Variants in SGCZ observed in about 807,000 individuals in gnomAD.
SGCZ encodes the protein zeta-sarcoglycan.
A neutral mutation model predicts 41.3 loss-of-function variants in SGCZ; 40 were observed. That is an observed-to-expected ratio of 0.97 (90% confidence interval 0.75 to 1.26). SGCZ has a LOEUF of 1.26. SGCZ is among the 50% of genes most tolerant of loss of function. The pLI is 0.00. For missense variants in SGCZ, 552 were observed against 369.8 expected (o/e 1.49, Z -4.04); for synonymous variants, 206 against 137.5 (o/e 1.50, Z -3.49).
intron 3 of SGCZ, among the ~76,000 whole-genome samples, chr8:14,322,092 A>T (rs1801935336): frequency 6.6e-6 from 1 of 152,168 alleles, no homozygotes; most frequent in African/African-American, 2.4e-5. Context: ...TTCATAAAAT[A>T]GTTCAGCCAC....
At chr8:15,152,210 T>C (rs1380798398) in intron 1 of SGCZ, among the ~76,000 whole-genome samples, 1 of 152,082 alleles carries the variant, frequency 6.6e-6, no homozygotes, top group East Asian at 1.9e-4. Flanking sequence ...AATTGCTGAA[T>C]CACAGGAAAC....
chr8:14,531,844 T>C (rs967452515), intron 2 of SGCZ, among the ~76,000 whole-genome samples: 1 of 152,070 alleles, frequency 6.6e-6, no homozygotes, highest in South Asian at 2.1e-4. Flanking sequence ...TGTTATCATA[T>C]GTAAGGAAGC....
intron 5 of SGCZ, among the ~76,000 whole-genome samples, chr8:14,123,114 TTTTGGAAGA>T (rs1319291510): frequency 6.6e-6 from 1 of 152,186 alleles, no homozygotes; most frequent in Non-Finnish European, 1.5e-5. Context: ...ATTCAAACTT[TTTTGGAAGA>T]ATGCAATAAA....
chr8:14,095,225 C>A (rs1025263766), intron 7 of SGCZ, among the ~76,000 whole-genome samples: 2 of 152,042 alleles, frequency 1.3e-5, no homozygotes, highest in Non-Finnish European at 2.9e-5. Context: ...AATGGCATTG[C>A]CTAAGTTTTC....
In SGCZ at chr8:14,591,599, T is replaced by C. The variant is rs74786899; in HGVS notation, c.40-36673A>G. ...ATTTATTTTAAGAATCATAAGATGTTTGCACCTTATGCAAACGTTATTGAT... is the reference window on the plus strand; with the variant it reads ...ATTTATTTTAAGAATCATAAGATGTCTGCACCTTATGCAAACGTTATTGAT... On this transcript the variant is annotated intron_variant, in intron 1 of 7. Transcript: ENST00000382080. Among the ~76,000 whole-genome samples the C allele has an allele frequency of 2.2e-3, 338 of 152,228 alleles. 3 individuals carry two copies. Among genetic ancestry groups the C allele is most frequent in the Non-Finnish European group, 1.6e-3 (110 of 67,954 alleles).
intron 1 of SGCZ, among the ~76,000 whole-genome samples, chr8:14,566,893 T>G (rs915672113): frequency 1.3e-5 from 2 of 151,838 alleles, no homozygotes; most frequent in African/African-American, 4.8e-5. Context: ...GGTGGGCGGC[T>G]GTGGGCTCGG....
rs187704266 is a variant in SGCZ, at chr8:14,092,519, T to C, written c.745-1882A>G. The stretch of plus-strand genomic sequence containing the variant: ...TGGCTGTGTCCCCACCCAAACCTCA[T>C]CTTGAATTGTAACCCCCATAATTCC... On this transcript the variant is annotated intron_variant, in intron 7 of 7. Transcript: ENST00000382080. Among the ~76,000 whole-genome samples the C allele has an allele frequency of 2.6e-3, 397 of 152,098 alleles. 1 individual carries two copies. Among genetic ancestry groups the C allele is most frequent in the African/African-American group, 8.9e-3 (371 of 41,510 alleles).
intron 1 of SGCZ, among the ~76,000 whole-genome samples, chr8:14,856,174 T>G (rs868411006): frequency 5.3e-5 from 8 of 152,186 alleles, no homozygotes; most frequent in South Asian, 4.1e-4. Flanking sequence ...TTTTGTGGTG[T>G]TTAAGATTTA....
intron 1 of SGCZ, among the ~76,000 whole-genome samples, chr8:14,815,957 A>T (rs1006248959): frequency 2.0e-5 from 3 of 152,244 alleles, no homozygotes; most frequent in Non-Finnish European, 4.4e-5. Context: ...ATCATCCAAT[A>T]AAAATATAAT....
intron 1 of SGCZ, among the ~76,000 whole-genome samples, chr8:14,660,864 G>A (rs1158291777): frequency 1.4e-4 from 21 of 151,988 alleles, no homozygotes; most frequent in Admixed American, 1.4e-3. Context: ...TGTTCTAACT[G>A]GAAACTGAAC....
At chr8:14,604,589 G>A (rs956185595) in intron 1 of SGCZ, among the ~76,000 whole-genome samples, 1 of 152,094 alleles carries the variant, frequency 6.6e-6, no homozygotes, top group African/African-American at 2.4e-5. Context: ...GGTGATAATT[G>A]CCCTATAAAA....
intron 1 of SGCZ, among the ~76,000 whole-genome samples, chr8:14,988,799 G>C (rs913217576): frequency 3.9e-5 from 6 of 152,082 alleles, no homozygotes; most frequent in African/African-American, 1.4e-4. Flanking sequence ...ATATGTAGAA[G>C]AAAAATACCA....
chr8:14,864,897 T>C (rs1373271246), intron 1 of SGCZ, among the ~76,000 whole-genome samples: 1 of 152,090 alleles, frequency 6.6e-6, no homozygotes, highest in Admixed American at 6.6e-5. Flanking sequence ...TATATTGGTT[T>C]TGATTTTCAT....
At chr8:14,145,673 A>G (rs899855034) in intron 5 of SGCZ, among the ~76,000 whole-genome samples, 2 of 152,246 alleles carry the variant, frequency 1.3e-5, no homozygotes, top group African/African-American at 2.4e-5. Context: ...TAAAATAGCT[A>G]TGTTGAGAAA....
intron 1 of SGCZ, among the ~76,000 whole-genome samples, chr8:15,111,994 G>A (rs903128077): frequency 2.0e-5 from 3 of 151,498 alleles, no homozygotes; most frequent in East Asian, 1.9e-4. Flanking sequence ...TGTAAAACAC[G>A]CCAAGAACCT....
intron 1 of SGCZ, among the ~76,000 whole-genome samples, chr8:14,806,531 G>C (rs951018333): frequency 6.6e-6 from 1 of 152,198 alleles, no homozygotes; most frequent in Non-Finnish European, 1.5e-5. Flanking sequence ...ACTAAACCAG[G>C]AGGAAGTTGA....
intron 1 of SGCZ, among the ~76,000 whole-genome samples, chr8:14,745,690 T>C (rs1427889807): frequency 6.6e-6 from 1 of 151,826 alleles, no homozygotes; most frequent in Non-Finnish European, 1.5e-5. Context: ...TATACATACA[T>C]GCCATATATA....
At chr8:14,634,904 T>C (rs1273330437) in intron 1 of SGCZ, among the ~76,000 whole-genome samples, 1 of 151,956 alleles carries the variant, frequency 6.6e-6, no homozygotes, top group Non-Finnish European at 1.5e-5. Flanking sequence ...CATAATTTTA[T>C]TAAAAATATA....
intron 1 of SGCZ, among the ~76,000 whole-genome samples, chr8:14,601,386 G>C (rs781633976): frequency 1.3e-5 from 2 of 151,982 alleles, no homozygotes; most frequent in Non-Finnish European, 2.9e-5. Flanking sequence ...TAGGTGAAAG[G>C]GTAGGTTTAA....
Sources: gnomAD v4.1 joint callset for allele counts (sites outside exome capture counted in the v4.1 genomes callset) on GRCh38, gnomAD v4.1.1 for gene constraint, MANE v1.5 for transcripts, NCBI Gene and HGNC (gene_info 2026-07-23, HGNC 2026-07-21) for gene names.